Variants in MAGI3 observed in about 807,000 individuals in gnomAD.
MAGI3 encodes the protein membrane associated guanylate kinase, WW and PDZ domain containing 3.
A neutral mutation model predicts 121.8 loss-of-function variants in MAGI3; 43 were observed. That is an observed-to-expected ratio of 0.35 (90% CI 0.28 to 0.46). MAGI3 has a LOEUF of 0.46. Ranked by LOEUF, MAGI3 falls within the 20% of genes least tolerant of loss-of-function variation. MAGI3 has a pLI of 1.00. For missense variants in MAGI3, 1,547 were observed against 1,797.3 expected (o/e 0.86, Z 2.52); for synonymous variants, 553 against 639.3 (o/e 0.86, Z 2.04).
At chr1:113,632,402 G>T (rs1193023319) in intron 9 of MAGI3, among the ~76,000 whole-genome samples, 1 of 152,048 alleles carries the variant, frequency 6.6e-6, no homozygotes, top group African/African-American at 2.4e-5. Context: ...TGAAAATTCT[G>T]GGAGCTTTAA....
chr1:113,506,442 G>T (rs528049260), intron 1 of MAGI3, among the ~76,000 whole-genome samples: 1 of 149,858 alleles, frequency 6.7e-6, no homozygotes, highest in African/African-American at 2.5e-5. Flanking sequence ...AATGGTTGTA[G>T]ATCACACCAG....
At chr1:113,421,071 G>A (rs1652711536) in intron 1 of MAGI3, among the ~76,000 whole-genome samples, 1 of 152,036 alleles carries the variant, frequency 6.6e-6, no homozygotes. Context: ...CTGAAACAGA[G>A]TGAAATTGAA....
At position 113,671,758 on chromosome 1, in the gene MAGI3, C is replaced by A. The variant is rs115953359; in HGVS notation, c.2840C>A (p.Thr947Lys). The change falls in exon 17 of 21, where the codon ACA (threonine) becomes AAA (lysine). Residue 947 changes from threonine to lysine, a missense_variant. Physicochemically the swap from Thr to Lys is moderately conservative, Grantham distance 78. Transcript: ENST00000307546. ...GAGCATCATGGTCCACCATCAGGAACAAACTCAGCCAGGCAAAGCCCAGCC... is the reference window on the plus strand; with the variant it reads ...GAGCATCATGGTCCACCATCAGGAAAAAACTCAGCCAGGCAAAGCCCAGCC... ...EEEHHGPPSG[T>K]NSARQSPALQ... The A allele has an allele frequency of 6.2e-7, 1 of 1,614,134 alleles. No homozygotes were observed. The highest frequency in any genetic ancestry group is 8.5e-7 in the Non-Finnish European group (1 of 1,180,046).
At chr1:113,520,560 CT>C (rs76379467) in intron 1 of MAGI3, among the ~76,000 whole-genome samples, 2 of 151,702 alleles carry the variant, frequency 1.3e-5, no homozygotes, top group African/African-American at 2.4e-5. Context: ...AATCTTAGGG[CT>C]TTTTTTTAAA....
chr1:113,615,362 A>C (rs961360526), intron 7 of MAGI3, among the ~76,000 whole-genome samples: 1 of 152,222 alleles, frequency 6.6e-6, no homozygotes, highest in African/African-American at 2.4e-5. Flanking sequence ...AGCGTCTAGC[A>C]GCAGGCAAAT....
At chr1:113,626,837 CT>C (rs1358679659) in intron 9 of MAGI3, among the ~76,000 whole-genome samples, 1 of 152,136 alleles carries the variant, frequency 6.6e-6, no homozygotes, top group African/African-American at 2.4e-5. Flanking sequence ...TGGATCTTAC[CT>C]CTTTTTTTCT....
At chr1:113,465,036 G>T (rs1311093091) in intron 1 of MAGI3, among the ~76,000 whole-genome samples, 1 of 152,094 alleles carries the variant, frequency 6.6e-6, no homozygotes, top group Non-Finnish European at 1.5e-5. Flanking sequence ...GTGTGGCCTT[G>T]TGCTTTCGAC....
intron 1 of MAGI3, among the ~76,000 whole-genome samples, chr1:113,525,407 T>C (rs1658404378): frequency 1.3e-5 from 2 of 152,130 alleles, no homozygotes; most frequent in South Asian, 4.2e-4. Flanking sequence ...TAGAAGACTA[T>C]AGGGCAGTAG....
intron 16 of MAGI3, among the ~76,000 whole-genome samples, chr1:113,665,719 T>C (rs77910336): frequency 0.021 from 3,261 of 152,284 alleles, 116 homozygotes; most frequent in African/African-American, 0.074. Context: ...TTTAGAGTTC[T>C]AGTATGTTCT....
At position 113,585,535 on chromosome 1, in the gene MAGI3, C is replaced by T. The variant is rs1363371795; in HGVS notation, c.702C>T (p.Ser234=). Residue 234 remains serine, a synonymous_variant, in exon 4 of 21, where the codon AGC becomes AGT. Coordinates refer to ENST00000307546, the MANE Select transcript of MAGI3 (RefSeq NM_001142782.2). ...TSVSKMERMD[S]SLPEEEEDED... ...TCAGCAAGATGGAAAGAATGGATAG[C>T]TCTCTTCCTGAAGAGGAAGAAGATG... 1.2e-5 allele frequency: 20 copies of T among 1,614,114 alleles called. No homozygotes were observed. In the East Asian group the frequency reaches 1.8e-4, roughly 14 times the overall value.
chr1:113,525,084 T>C (rs1326238691), intron 1 of MAGI3, among the ~76,000 whole-genome samples: 1 of 152,168 alleles, frequency 6.6e-6, no homozygotes, highest in African/African-American at 2.4e-5. Context: ...CCACCATGAT[T>C]GTGAGGCCTT....
At chr1:113,587,771 A>G (rs1648465015) in intron 4 of MAGI3, among the ~76,000 whole-genome samples, 1 of 152,198 alleles carries the variant, frequency 6.6e-6, no homozygotes. Context: ...GCTTGGAACT[A>G]TATTAAGAAA....
At chr1:113,473,509 T>C (rs1655650019) in intron 1 of MAGI3, among the ~76,000 whole-genome samples, 1 of 143,422 alleles carries the variant, frequency 7.0e-6, no homozygotes, top group South Asian at 2.3e-4. Flanking sequence ...AGTGAGAACA[T>C]GCAGTGTTTG....
chr1:113,572,012 A>T (rs1048852353), intron 2 of MAGI3, among the ~76,000 whole-genome samples: 5 of 152,152 alleles, frequency 3.3e-5, no homozygotes, highest in Non-Finnish European at 5.9e-5. Context: ...TCCATTCAGT[A>T]TGATATTGGC....
chr1:113,611,299 G>C (rs547311746), intron 6 of MAGI3, among the ~76,000 whole-genome samples: 33 of 152,102 alleles, frequency 2.2e-4, no homozygotes, highest in African/African-American at 7.0e-4. Flanking sequence ...TGTTGCTCAG[G>C]CTGGTCTTGA....
At chr1:113,449,701 T>C in intron 1 of MAGI3, 1 of 846,488 alleles carries the variant, frequency 1.2e-6, no homozygotes, top group Non-Finnish European at 2.0e-6. Context: ...GGTCTCAAAA[T>C]GGAGGGCCAT....
chr1:113,597,217 A>G (rs1483023388), intron 6 of MAGI3, among the ~76,000 whole-genome samples: 1 of 152,254 alleles, frequency 6.6e-6, no homozygotes, highest in East Asian at 1.9e-4. Flanking sequence ...TAGACATAAT[A>G]GGCCAGATAT....
At chr1:113,441,090 G>A (rs186350604) in intron 1 of MAGI3, among the ~76,000 whole-genome samples, 44 of 152,210 alleles carry the variant, frequency 2.9e-4, no homozygotes, top group African/African-American at 9.9e-4. Context: ...CCCTCTGATA[G>A]TTTTTTGTCT....
chr1:113,485,495 T>G (rs1199370665), intron 1 of MAGI3, among the ~76,000 whole-genome samples: 1 of 152,230 alleles, frequency 6.6e-6, no homozygotes, highest in Non-Finnish European at 1.5e-5. Flanking sequence ...AGCCCACTTT[T>G]TTTTGATGGA....
Sources: allele counts gnomAD v4.1 joint callset (sites outside exome capture counted in the v4.1 genomes callset), GRCh38; gene constraint gnomAD v4.1.1; transcripts MANE v1.5; gene names NCBI Gene and HGNC (gene_info 2026-07-23, HGNC 2026-07-21).